The following LRRC28 variants were observed in gnomAD, a reference collection of about 807,000 sequenced individuals.
LRRC28 encodes the protein leucine rich repeat containing 28.
In LRRC28, 39 loss-of-function variants were observed where a neutral mutation model predicts 45.7. The observed-to-expected ratio is 0.85, with a 90% CI of 0.66 to 1.12. The LOEUF (loss-of-function observed/expected upper bound fraction) is 1.12. LRRC28 is among the 50% of genes most tolerant of loss of function. The pLI is 0.00. For synonymous variants in LRRC28, 206 were observed against 178.8 expected, an observed-to-expected ratio of 1.15 and a Z score of -1.22; for missense variants, 435 against 438.5, an observed-to-expected ratio of 0.99 and a Z score of 0.07.
intron 5 of LRRC28, among the ~76,000 whole-genome samples, chr15:99,289,729 C>T (rs889165353): frequency 3.4e-4 from 50 of 148,662 alleles, no homozygotes; most frequent in Admixed American, 2.7e-4. Flanking sequence ...GTCAGGAGAT[C>T]GAGACCATCC....
At chr15:99,295,755 G>A (rs980564165) in intron 5 of LRRC28, among the ~76,000 whole-genome samples, 4 of 152,186 alleles carry the variant, frequency 2.6e-5, no homozygotes, top group African/African-American at 9.6e-5. Context: ...CAAGTTAATA[G>A]CATGAATCTG....
intron 5 of LRRC28, among the ~76,000 whole-genome samples, chr15:99,304,688 C>T (rs1436582682): frequency 1.3e-5 from 2 of 152,010 alleles, no homozygotes; most frequent in Non-Finnish European, 2.9e-5. Flanking sequence ...CTCAAGTGAC[C>T]CACCTGCCTG....
Position 99,362,982 on chromosome 15 carries a change from CAG to C in LRRC28, c.872-122_872-121del, listed in dbSNP as rs372788872. On this transcript the variant is annotated intron_variant, in intron 8 of 9. Transcript: ENST00000301981. ...TATTCAGTGTGTATCAATCAGATAA[CAG>C]AATTTTCAACATGAAGTACTTTTAA... 245 of 1,076,260 alleles carry C rather than the reference CAG, an allele frequency of 2.3e-4. 4 individuals are homozygous for C. In the African/African-American group the frequency reaches 3.5e-3, roughly 16 times the overall value. 66.7% of individuals were successfully genotyped at this position (1,076,260 alleles called of 1,614,324 possible). A position where few individuals can be genotyped will look rare whatever the true frequency, so the allele number is the denominator to read the frequency against.
Position 99,388,724 on chromosome 15 carries a change from A to G in LRRC28, c.*2622A>G, listed in dbSNP as rs574507806. 1 of 152,220 alleles carries G rather than the reference A, an allele frequency of 6.6e-6. No homozygotes were observed. Among genetic ancestry groups the G allele is most frequent in the East Asian group, 1.9e-4 (1 of 5,204 alleles). 9.4% of individuals were successfully genotyped at this position (152,220 alleles called of 1,614,324 possible). On this transcript the variant is annotated 3_prime_UTR_variant, in exon 10 of 10. Coordinates refer to ENST00000301981, the MANE Select transcript of LRRC28 (RefSeq NM_144598.5). ...TGTTGTTTTCTTGAGCAACAGTTAC[A>G]CTAGGTAGAAAAGTATTCACACAAT...
chr15:99,314,173 C>T lies in LRRC28; in HGVS notation c.386-19750C>T, dbSNP rs558970739. Among the ~76,000 whole-genome samples the T allele has an allele frequency of 1.5e-4, 23 of 152,150 alleles. No individual in the cohort carries two copies. The South Asian group carries it at 4.8e-3, about 32-fold the overall frequency. On this transcript the variant is annotated intron_variant, in intron 5 of 9. Coordinates refer to ENST00000301981, the MANE Select transcript of LRRC28 (RefSeq NM_144598.5). The stretch of plus-strand genomic sequence containing the variant: ...CTATTTAAAAATATTGGCCAGGTGT[C>T]GTGGCTCATCCCTGTAATCCTAGCA...
chr15:99,291,303 T>G (rs2082115517), intron 5 of LRRC28, among the ~76,000 whole-genome samples: 1 of 152,252 alleles, frequency 6.6e-6, no homozygotes, highest in Non-Finnish European at 1.5e-5. Context: ...ACCTTAATAG[T>G]TATACATTTT....
chr15:99,294,191 G>A (rs542312953), intron 5 of LRRC28, among the ~76,000 whole-genome samples: 1 of 151,622 alleles, frequency 6.6e-6, no homozygotes, highest in African/African-American at 2.4e-5. Flanking sequence ...CCCTTCTTGG[G>A]GTTTTCTTTA....
intron 2 of LRRC28, 104 bp downstream of exon 2, chr15:99,256,229 G>C (rs1224231403): frequency 6.1e-6 from 5 of 817,406 alleles, no homozygotes; most frequent in Non-Finnish European, 9.1e-6. Flanking sequence ...TATATCCCCT[G>C]TTGTTATATA....
At chr15:99,310,549 A>G (rs1955367073) in intron 5 of LRRC28, among the ~76,000 whole-genome samples, 1 of 152,204 alleles carries the variant, frequency 6.6e-6, no homozygotes, top group African/African-American at 2.4e-5. Context: ...GAAGGGTGTA[A>G]CCCTCTCCTT....
rs1958020188 is a variant in LRRC28 at position 99,387,076 on chromosome 15, G to GTTT, written c.*976_*977insTTT. 6.6e-6 allele frequency: 1 copy of GTTT among 151,070 alleles called. No homozygotes were observed. Among genetic ancestry groups the GTTT allele is most frequent in the South Asian group, 2.1e-4 (1 of 4,778 alleles). The allele number at this position is 151,070 out of a possible 1,614,324, so 9.4% of individuals were successfully genotyped here. ...CCACTACTGGTTTTTTTTTGTTGTT[G>GTTT]TTGAGACGGAGTCTCGCTCTGTCGC... On this transcript the variant is annotated 3_prime_UTR_variant, in exon 10 of 10. Coordinates refer to ENST00000301981, the MANE Select transcript of LRRC28 (RefSeq NM_144598.5).
At chr15:99,315,481 A>G (rs866766432) in intron 5 of LRRC28, among the ~76,000 whole-genome samples, 3 of 152,318 alleles carry the variant, frequency 2.0e-5, no homozygotes, top group Middle Eastern at 3.4e-3. Context: ...ACAGAATTCT[A>G]GGATCTCATG....
At chr15:99,349,695 A>G (rs1956809170) in intron 6 of LRRC28, among the ~76,000 whole-genome samples, 1 of 152,250 alleles carries the variant, frequency 6.6e-6, no homozygotes, top group African/African-American at 2.4e-5. Flanking sequence ...CATGGAACCA[A>G]TGTCCCTGAT....
intron 1 of LRRC28, chr15:99,252,077 AATAAG>A (rs1234262060): frequency 6.6e-6 from 1 of 152,158 alleles, no homozygotes; most frequent in African/African-American, 2.4e-5. Flanking sequence ...TGTTTTTAAT[AATAAG>A]ATAGATTGGT....
intron 4 of LRRC28, 122 bp downstream of exon 4, chr15:99,287,416 A>G (rs898537426): frequency 2.1e-5 from 14 of 675,160 alleles, no homozygotes; most frequent in African/African-American, 1.3e-4. Context: ...TTTTCTTCTA[A>G]TAAGTCCAGT....
rs951009703 is a variant in LRRC28 at position 99,387,239 on chromosome 15, T to G, written c.*1137T>G. On this transcript the variant is annotated 3_prime_UTR_variant, in exon 10 of 10. Transcript: ENST00000301981. ...CCACGCCCGGCTAATTTTTTGTATT[T>G]TTAGTAGAGACGGGGTTTCACCGTG... 19 of 150,050 alleles carry G rather than the reference T, an allele frequency of 1.3e-4. No individual in the cohort carries two copies. Among genetic ancestry groups the G allele is most frequent in the African/African-American group, 4.2e-4 (17 of 40,738 alleles). 9.3% of individuals were successfully genotyped at this position (150,050 alleles called of 1,614,324 possible). A position where few individuals can be genotyped will look rare whatever the true frequency, so the allele number is the denominator to read the frequency against.
At chr15:99,363,461 G>A in intron 9 of LRRC28, 196 bp downstream of exon 9, 2 of 546,066 alleles carry the variant, frequency 3.7e-6, no homozygotes, top group Non-Finnish European at 6.3e-6. Context: ...TAATTTTTTG[G>A]TCATGTGCTG....
chr15:99,290,492 G>T (rs2082093166), intron 5 of LRRC28, among the ~76,000 whole-genome samples: 1 of 151,998 alleles, frequency 6.6e-6, no homozygotes, highest in Non-Finnish European at 1.5e-5. Flanking sequence ...CAGAAAATGA[G>T]ATACTCTTTT....
At chr15:99,253,681 T>A (rs1374269556) in intron 1 of LRRC28, among the ~76,000 whole-genome samples, 2 of 152,016 alleles carry the variant, frequency 1.3e-5, no homozygotes, top group Non-Finnish European at 2.9e-5. Context: ...CCGAAAAGAG[T>A]GAGATGTAAT....
At chr15:99,318,771 G>A (rs1354275948) in intron 5 of LRRC28, among the ~76,000 whole-genome samples, 1 of 151,864 alleles carries the variant, frequency 6.6e-6, no homozygotes, top group Admixed American at 6.6e-5. Flanking sequence ...ATTATATATT[G>A]TATTTAGTAT....
Sources: allele counts gnomAD v4.1 joint callset (sites outside exome capture counted in the v4.1 genomes callset), GRCh38; gene constraint gnomAD v4.1.1; transcripts MANE v1.5; gene names NCBI Gene and HGNC (gene_info 2026-07-23, HGNC 2026-07-21).